The following LIN54 variants were observed in gnomAD, a reference collection of about 807,000 sequenced individuals.
LIN54 encodes protein lin-54 homolog.
A neutral mutation model predicts 78.7 loss-of-function variants in LIN54; 9 were observed. That is an observed-to-expected ratio of 0.11 (90% CI 0.07 to 0.20). The LOEUF (loss-of-function observed/expected upper bound fraction) is 0.20, where lower values mean the gene tolerates loss of function less well. LIN54 is among the 10% of genes least tolerant of loss of function. The pLI, the probability that LIN54 is intolerant of heterozygous loss-of-function variation, is 1.00. For missense variants in LIN54, 573 were observed against 889.9 expected (o/e 0.64, Z 4.53); for synonymous variants, 269 against 318.4 (o/e 0.84, Z 1.65).
At chr4:83,002,134 G>A (rs1029161359) in intron 1 of LIN54, among the ~76,000 whole-genome samples, 6 of 151,028 alleles carry the variant, frequency 4.0e-5, no homozygotes, top group South Asian at 2.1e-4. Flanking sequence ...GTAGACAATC[G>A]GCATTATTCA....
Position 82,936,316 on chromosome 4 carries a change from T to C in LIN54, c.1670A>G (p.Asn557Ser). Residue 557 changes from asparagine to serine, a missense_variant, in exon 10 of 13, where the codon AAT becomes AGT. Around this residue, in one of 6 missense-constraint regions of LIN54, gnomAD observed 101 missense variants for 194.2 expected, o/e 0.52. Transcript: ENST00000340417. ...TTGCCTTTCATTTTCATGTTCCAAA[T>C]TGTTGTAACAATTAGTACAATTGCA... ...NNCNCTNCYN[N>S]LEHENERQKA... 1 of 1,577,940 alleles carries C rather than the reference T, an allele frequency of 6.3e-7. No homozygotes were observed. Among genetic ancestry groups the C allele is most frequent in the Admixed American group, 1.8e-5 (1 of 55,620 alleles).
chr4:82,943,790 G>A (rs1293097924), intron 5 of LIN54, among the ~76,000 whole-genome samples: 1 of 151,292 alleles, frequency 6.6e-6, no homozygotes, highest in African/African-American at 2.4e-5. Flanking sequence ...AGGTGGCAAG[G>A]AGAAAAAGAG....
At position 82,939,916 on chromosome 4, in the gene LIN54, T is replaced by G; in HGVS notation, c.1215A>C (p.Pro405=). 6.2e-7 allele frequency: 1 copy of G among 1,612,552 alleles called. No homozygotes were observed. The highest frequency in any genetic ancestry group is 8.5e-7 in the Non-Finnish European group (1 of 1,179,558). ...GTTTGACAGCCTGAGCTGAGACAATTGGAACTGACATCCGCACTGGGGTTG... is the reference window on the plus strand; with the variant it reads ...GTTTGACAGCCTGAGCTGAGACAATGGGAACTGACATCCGCACTGGGGTTG... The part of the protein sequence containing the change: ...VNTTPVRMSV[P]IVSAQAVKQV... Residue 405 remains proline (P), a synonymous_variant, in exon 6 of 13, where the codon CCA becomes CCC. Coordinates refer to ENST00000340417, the MANE Select transcript of LIN54 (RefSeq NM_194282.4).
rs1349569983 is a variant in LIN54, at chr4:82,930,968, G to C, written c.2023C>G (p.Pro675Ala). 6.2e-7 allele frequency: 1 copy of C among 1,614,116 alleles called. No individual in the cohort carries two copies. Among genetic ancestry groups the C allele is most frequent in the Non-Finnish European group, 8.5e-7 (1 of 1,179,994 alleles). Reference protein sequence around the residue: ...QISDLLTRPTPALNSGGGKLP... With the variant: ...QISDLLTRPTAALNSGGGKLP... ...TTTCCGCCTCCACTATTTAAAGCTG[G>C]TGTTGGCCTAGTAAGCAAGTCTGAA... Residue 675 changes from proline (P) to alanine (A), a missense_variant, in exon 12 of 13, where the codon CCA becomes GCA. Pro to Ala is a conservative substitution (Grantham distance 27, BLOSUM62 -1). Coordinates refer to ENST00000340417, the MANE Select transcript of LIN54 (RefSeq NM_194282.4).
intron 7 of LIN54, among the ~76,000 whole-genome samples, chr4:82,939,055 TC>T (rs1722625253): frequency 6.6e-6 from 1 of 152,236 alleles, no homozygotes; most frequent in Non-Finnish European, 1.5e-5. Flanking sequence ...TGGGTTTGTT[TC>T]CCCGTCTTTC....
chr4:82,993,763 G>A (rs1201376429), intron 1 of LIN54, among the ~76,000 whole-genome samples: 3 of 151,914 alleles, frequency 2.0e-5, no homozygotes, highest in Non-Finnish European at 4.4e-5. Flanking sequence ...GATTAGAGGC[G>A]CATGCCACCA....
At chr4:82,945,465 A>T (rs186556846) in intron 5 of LIN54, among the ~76,000 whole-genome samples, 32 of 152,280 alleles carry the variant, frequency 2.1e-4, no homozygotes, top group Non-Finnish European at 3.7e-4. Context: ...TCCTTTAGGG[A>T]AAATACAACT....
intron 1 of LIN54, among the ~76,000 whole-genome samples, chr4:82,986,132 T>G (rs1727108837): frequency 6.6e-6 from 1 of 152,190 alleles, no homozygotes; most frequent in African/African-American, 2.4e-5. Flanking sequence ...TTTTCGTTTT[T>G]GAGACAGAGT....
intron 1 of LIN54, among the ~76,000 whole-genome samples, chr4:82,985,510 C>T (rs893757870): frequency 7.9e-5 from 12 of 152,170 alleles, no homozygotes; most frequent in African/African-American, 2.9e-4. Context: ...AAAGAAGATT[C>T]TCAAACCCTC....
chr4:82,982,278 A>C (rs1327696413), intron 2 of LIN54, among the ~76,000 whole-genome samples: 1 of 151,860 alleles, frequency 6.6e-6, no homozygotes, highest in African/African-American at 2.4e-5. Flanking sequence ...GCCCAGGCTG[A>C]GGTGCAGTGA....
intron 4 of LIN54, among the ~76,000 whole-genome samples, chr4:82,957,761 T>G (rs1391824639): frequency 2.0e-5 from 3 of 152,170 alleles, no homozygotes. Flanking sequence ...TTTTGTAAGT[T>G]TATATGTTTG....
At chr4:82,945,372 ATTTATGTG>A (rs956940787) in intron 5 of LIN54, among the ~76,000 whole-genome samples, 1 of 152,252 alleles carries the variant, frequency 6.6e-6, no homozygotes, top group Non-Finnish European at 1.5e-5. Context: ...GAAAAAGGTC[ATTTATGTG>A]TCTATGGATG....
intron 11 of LIN54, among the ~76,000 whole-genome samples, chr4:82,935,350 A>G (rs1053918499): frequency 2.0e-5 from 3 of 151,380 alleles, no homozygotes; most frequent in Admixed American, 1.3e-4. Flanking sequence ...GTGCAGTGCC[A>G]TGATCTCGGC....
intron 1 of LIN54, among the ~76,000 whole-genome samples, chr4:83,007,706 G>A (rs1729518878): frequency 6.6e-6 from 1 of 151,978 alleles, no homozygotes; most frequent in Non-Finnish European, 1.5e-5. Flanking sequence ...TGGCCAACAT[G>A]GTGAAACCCT....
At chr4:83,005,564 G>A (rs1224707108) in intron 1 of LIN54, among the ~76,000 whole-genome samples, 1 of 150,928 alleles carries the variant, frequency 6.6e-6, no homozygotes, top group African/African-American at 2.4e-5. Context: ...GGCAGAGGTT[G>A]CAGTGAGCCA....
intron 6 of LIN54, 70 bp from the exon 7 acceptor site, chr4:82,939,806 C>A: frequency 6.3e-7 from 1 of 1,588,380 alleles, no homozygotes; most frequent in East Asian, 2.2e-5. Context: ...GTATAAATCT[C>A]TTGCACCTAA....
At chr4:82,971,114 T>G (rs1725613837) in intron 3 of LIN54, among the ~76,000 whole-genome samples, 1 of 152,102 alleles carries the variant, frequency 6.6e-6, no homozygotes, top group African/African-American at 2.4e-5. Flanking sequence ...TGAGTTGAAA[T>G]ATCAGGAATT....
Position 82,937,310 on chromosome 4 carries a change from G to A in LIN54, c.1533-12C>T. On this transcript the variant is annotated splice_polypyrimidine_tract_variant and intron_variant, in intron 8 of 12. Coordinates refer to ENST00000340417, the MANE Select transcript of LIN54 (RefSeq NM_194282.4). ...CTGATGGGATTATGCTGTACAGATA[G>A]AAAAAAAGATATACATTTAATCAAT... 3.9e-6 allele frequency: 6 copies of A among 1,519,108 alleles called. No individual in the cohort carries two copies. Among genetic ancestry groups the A allele is most frequent in the African/African-American group, 1.4e-5 (1 of 71,024 alleles). The allele number at this position is 1,519,108 out of a possible 1,614,324, so 94.1% of individuals were successfully genotyped here. A position where few individuals can be genotyped will look rare whatever the true frequency, so the allele number is the denominator to read the frequency against.
intron 1 of LIN54, among the ~76,000 whole-genome samples, chr4:83,009,446 G>A (rs1445989271): frequency 6.6e-6 from 1 of 152,022 alleles, no homozygotes. Context: ...AAAAGCATAG[G>A]GTCCAAATTA....
Sources: gnomAD v4.1 joint callset for allele counts (sites outside exome capture counted in the v4.1 genomes callset) on GRCh38, gnomAD v4.1.1 for gene constraint, gnomAD v4.1.1 regional missense constraint, MANE v1.5 for transcripts, NCBI Gene and HGNC (gene_info 2026-07-23, HGNC 2026-07-21) for gene names.